Variants in KIAA0232 observed in about 807,000 individuals in gnomAD.
KIAA0232 encodes the protein uncharacterized protein KIAA0232.
A neutral mutation model predicts 122.0 loss-of-function variants in KIAA0232; 27 were observed. The observed-to-expected ratio is 0.22, with a 90% CI of 0.16 to 0.31. The LOEUF is 0.31. Ranked by LOEUF, KIAA0232 falls within the 10% of genes least tolerant of loss-of-function variation. The probability of loss-of-function intolerance (pLI) is 1.00; values close to 1 mark genes in which losing one functional copy is unlikely to be tolerated. For missense variants in KIAA0232, 1,551 were observed against 1,634.2 expected (o/e 0.95, Z 0.88); for synonymous variants, 613 against 587.6 (o/e 1.04, Z -0.63).
intron 1 of KIAA0232, among the ~76,000 whole-genome samples, chr4:6,784,971 G>A (rs902387481): frequency 6.4e-5 from 9 of 140,808 alleles, no homozygotes; most frequent in African/African-American, 2.1e-4. Flanking sequence ...ACGGAGTCTC[G>A]CTCTGCCGCC....
At position 6,861,076 on chromosome 4, in the gene KIAA0232, A is replaced by G. The variant is rs1280119534; in HGVS notation, c.694A>G (p.Thr232Ala). The change falls in exon 7 of 10, where the codon ACC becomes GCC. Residue 232 changes from threonine to alanine, a missense_variant. This residue lies in a region of KIAA0232 where 377 missense variants were observed against 381.7 expected (regional missense o/e 0.99). Coordinates refer to ENST00000307659, the MANE Select transcript of KIAA0232 (RefSeq NM_014743.3). ...GGACTGCAACAGTGAAAGTGAAGTC[A>G]CCAAGGAAAGAAGCAGTGAAGTACC... Reference protein sequence around the residue: ...PKDCNSESEVTKERSSEVPTT... With the variant: ...PKDCNSESEVAKERSSEVPTT... The G allele has an allele frequency of 2.5e-6, 4 of 1,614,234 alleles. No individual in the cohort carries two copies. Among genetic ancestry groups the G allele is most frequent in the South Asian group, 1.1e-5 (1 of 91,088 alleles).
At position 6,837,622 on chromosome 4, in the gene KIAA0232, A is replaced by C. The variant is rs797021316; in HGVS notation, c.232-4445A>C. On this transcript the variant is annotated intron_variant, in intron 3 of 9. Coordinates refer to ENST00000307659, the MANE Select transcript of KIAA0232 (RefSeq NM_014743.3). ...ACGCCACTGCATTCCAGCCTGGGCA[A>C]CATTGAGCACTGAGTGAGCGAGACT... Among the ~76,000 whole-genome samples, 5 of 152,346 alleles carry C rather than the reference A, an allele frequency of 3.3e-5. No individual in the cohort carries two copies. The East Asian group carries it at 9.6e-4, about 29-fold the overall frequency.
chr4:6,827,746 C>T (rs1330397871), intron 3 of KIAA0232, among the ~76,000 whole-genome samples: 4 of 152,198 alleles, frequency 2.6e-5, no homozygotes, highest in African/African-American at 9.7e-5. Flanking sequence ...CTATAAACCT[C>T]TAATTTGGGC....
At chr4:6,875,060 T>C (rs749094480) in intron 8 of KIAA0232, among the ~76,000 whole-genome samples, 3 of 152,138 alleles carry the variant, frequency 2.0e-5, no homozygotes, top group Non-Finnish European at 4.4e-5. Context: ...GAGTGGGCCA[T>C]GGAGTGAGAA....
chr4:6,793,585 A>G (rs1717001978), intron 1 of KIAA0232, among the ~76,000 whole-genome samples: 1 of 152,242 alleles, frequency 6.6e-6, no homozygotes, highest in Non-Finnish European at 1.5e-5. Context: ...AAGTTTATTC[A>G]TCAGTCAGGT....
At chr4:6,872,095 A>G (rs1250512879) in intron 8 of KIAA0232, among the ~76,000 whole-genome samples, 1 of 152,218 alleles carries the variant, frequency 6.6e-6, no homozygotes, top group Non-Finnish European at 1.5e-5. Flanking sequence ...GGAGCCTGTC[A>G]GAAGGTTTGA....
At chr4:6,806,904 A>G (rs1160912819) in intron 2 of KIAA0232, among the ~76,000 whole-genome samples, 1 of 152,056 alleles carries the variant, frequency 6.6e-6, no homozygotes, top group African/African-American at 2.4e-5. Flanking sequence ...ATTACACACT[A>G]GATCTAGCTC....
At chr4:6,848,135 A>G (rs1449640909) in intron 4 of KIAA0232, among the ~76,000 whole-genome samples, 1 of 152,208 alleles carries the variant, frequency 6.6e-6, no homozygotes, top group African/African-American at 2.4e-5. Flanking sequence ...TTACACCCTA[A>G]GTAGAGTAGA....
chr4:6,815,344 C>T (rs1046587972), intron 2 of KIAA0232, among the ~76,000 whole-genome samples: 1 of 152,148 alleles, frequency 6.6e-6, no homozygotes, highest in Non-Finnish European at 1.5e-5. Flanking sequence ...ACAGATAATT[C>T]GTGAACCAAC....
At chr4:6,796,814 A>T (rs1435534932) in intron 1 of KIAA0232, among the ~76,000 whole-genome samples, 1 of 152,194 alleles carries the variant, frequency 6.6e-6, no homozygotes, top group Admixed American at 6.5e-5. Context: ...AGAATGTTCA[A>T]GTAGGCTCCT....
intron 2 of KIAA0232, among the ~76,000 whole-genome samples, chr4:6,812,217 A>C (rs1717911151): frequency 6.6e-6 from 1 of 152,126 alleles, no homozygotes; most frequent in South Asian, 2.1e-4. Context: ...CATTTGCTAG[A>C]GGGGAGAGGG....
At chr4:6,880,704 C>T in intron 9 of KIAA0232, 83 bp from the exon 10 acceptor site, 1 of 923,894 alleles carries the variant, frequency 1.1e-6, no homozygotes, top group Non-Finnish European at 1.5e-6. Context: ...TTTATTATTT[C>T]TTCTTTGTAT....
chr4:6,805,427 A>G (rs1234224510), intron 2 of KIAA0232, among the ~76,000 whole-genome samples: 1 of 152,196 alleles, frequency 6.6e-6, no homozygotes, highest in Non-Finnish European at 1.5e-5. Flanking sequence ...ACTGATATAA[A>G]CACATTATTG....
chr4:6,814,253 C>T (rs1278250969), intron 2 of KIAA0232, among the ~76,000 whole-genome samples: 1 of 152,100 alleles, frequency 6.6e-6, no homozygotes, highest in African/African-American at 2.4e-5. Context: ...ACTTAACCAC[C>T]TTGGGTTCTT....
rs1720974632 is a variant in KIAA0232 at position 6,863,199 on chromosome 4, C to G, written c.2817C>G (p.Thr939=). ...GAGGAGTTTATGGAGAACTCAAAACCTTCAATAGTGATGGGGAGTGGGCAG... is the reference window on the plus strand; with the variant it reads ...GAGGAGTTTATGGAGAACTCAAAACGTTCAATAGTGATGGGGAGTGGGCAG... The part of the protein sequence containing the change: ...ILGGVYGELK[T]FNSDGEWAVV... The change falls in exon 7 of 10, where the codon ACC becomes ACG. Residue 939 remains threonine, a synonymous_variant. Transcript: ENST00000307659. 2 of 1,613,792 alleles carry G rather than the reference C, an allele frequency of 1.2e-6. No homozygotes were observed. The highest frequency in any genetic ancestry group is 1.7e-5 in the Admixed American group (1 of 60,012).
At chr4:6,853,592 C>A (rs1720409454) in intron 4 of KIAA0232, among the ~76,000 whole-genome samples, 1 of 152,130 alleles carries the variant, frequency 6.6e-6, no homozygotes, top group Non-Finnish European at 1.5e-5. Flanking sequence ...TTAGTGATCA[C>A]ACTATGGCGG....
chr4:6,879,898 A>G (rs1288929233), intron 9 of KIAA0232, among the ~76,000 whole-genome samples: 2 of 134,032 alleles, frequency 1.5e-5, no homozygotes, highest in East Asian at 4.3e-4. Context: ...TCCCCTCACC[A>G]TCTGTACTGT....
At chr4:6,872,083 C>G (rs1299568184) in intron 8 of KIAA0232, among the ~76,000 whole-genome samples, 1 of 152,140 alleles carries the variant, frequency 6.6e-6, no homozygotes, top group Non-Finnish European at 1.5e-5. Context: ...ACAGACAGGG[C>G]AGGAGCCTGT....
chr4:6,877,087 C>CT lies in KIAA0232; in HGVS notation c.4008+342dup, dbSNP rs3214200. Among the ~76,000 whole-genome samples, 691 of 146,890 alleles carry CT rather than the reference C, an allele frequency of 4.7e-3. 2 individuals carry two copies. Among genetic ancestry groups the CT allele is most frequent in the African/African-American group, 0.014 (578 of 40,402 alleles). Reference sequence around the variant, plus strand: ...CTCCTTGGGTGGGCACACTTTTCATCTTTTTTTTTTTTGTTTACCTAATAA... The same window carrying CT: ...CTCCTTGGGTGGGCACACTTTTCATCTTTTTTTTTTTTTGTTTACCTAATAA... On this transcript the variant is annotated intron_variant, in intron 9 of 9. Transcript: ENST00000307659.
Sources: gnomAD v4.1 joint callset for allele counts (sites outside exome capture counted in the v4.1 genomes callset) on GRCh38, gnomAD v4.1.1 for gene constraint, gnomAD v4.1.1 regional missense constraint, MANE v1.5 for transcripts, NCBI Gene and HGNC (gene_info 2026-07-23, HGNC 2026-07-21) for gene names.